Variants in NT5C2 observed in about 807,000 individuals in gnomAD.
NT5C2 encodes the protein cytosolic purine 5'-nucleotidase.
NT5C2 carries 58 observed loss-of-function variants against 76.1 expected under a neutral mutation model. The ratio of observed to expected loss-of-function variants is 0.76; its 90% CI spans 0.62 to 0.95. The LOEUF (loss-of-function observed/expected upper bound fraction) is 0.95. Ranked by LOEUF, NT5C2 falls within the 40% of genes least tolerant of loss-of-function variation. NT5C2 has a pLI of 0.00. For missense variants in NT5C2, 478 were observed against 690.3 expected (o/e 0.69, Z 3.45); for synonymous variants, 229 against 237.4 (o/e 0.96, Z 0.32).
At chr10:103,098,077 GCTA>G (rs2068640586) in intron 10 of NT5C2, 1 of 529,314 alleles carries the variant, frequency 1.9e-6, no homozygotes, top group Non-Finnish European at 3.9e-6. Context: ...ACTGTATTCT[GCTA>G]CTTTTACTCT....
chr10:103,121,528 T>C (rs892634808), intron 4 of NT5C2, among the ~76,000 whole-genome samples: 3 of 152,160 alleles, frequency 2.0e-5, no homozygotes, highest in Non-Finnish European at 2.9e-5. Context: ...GTGAGTTGAG[T>C]CCATTCCAAT....
chr10:103,124,400 T>A (rs1232931021), intron 4 of NT5C2, among the ~76,000 whole-genome samples: 2 of 152,168 alleles, frequency 1.3e-5, no homozygotes, highest in East Asian at 3.8e-4. Flanking sequence ...GAAAAGAGCA[T>A]TAAATATTCC....
At chr10:103,117,105 T>C (rs2074531266) in intron 4 of NT5C2, among the ~76,000 whole-genome samples, 1 of 152,146 alleles carries the variant, frequency 6.6e-6, no homozygotes, top group Non-Finnish European at 1.5e-5. Context: ...TAGCTTAGTT[T>C]AAATAAAGCT....
intron 4 of NT5C2, among the ~76,000 whole-genome samples, chr10:103,108,655 CTG>C (rs995610216): frequency 6.6e-6 from 1 of 152,062 alleles, no homozygotes; most frequent in African/African-American, 2.4e-5. Flanking sequence ...TAAAATTAAA[CTG>C]AAGTTTTTAA....
chr10:103,129,928 T>TGG (rs570466131), intron 4 of NT5C2, among the ~76,000 whole-genome samples: 2 of 55,606 alleles, frequency 3.6e-5, no homozygotes, highest in East Asian at 1.1e-3. Flanking sequence ...GGGAGGGAGG[T>TGG]GGGGGGGGTC....
chr10:103,123,267 C>A lies in NT5C2; in HGVS notation c.175+16139G>T, dbSNP rs557194627. Among the ~76,000 whole-genome samples the A allele has an allele frequency of 4.6e-5, 7 of 152,230 alleles. No homozygotes were observed. In the East Asian group the frequency reaches 1.4e-3, roughly 29 times the overall value. Reference sequence around the variant, plus strand: ...CTTCCCAAGTAGCTGGGACTACAGGCATGCACTACCACACACTGCTAATAT... The same window carrying A: ...CTTCCCAAGTAGCTGGGACTACAGGAATGCACTACCACACACTGCTAATAT... On this transcript the variant is annotated intron_variant, in intron 4 of 18. Coordinates refer to ENST00000404739, the MANE Select transcript of NT5C2 (RefSeq NM_001351169.2).
intron 4 of NT5C2, among the ~76,000 whole-genome samples, chr10:103,107,371 T>G (rs1305226657): frequency 6.6e-6 from 1 of 152,062 alleles, no homozygotes; most frequent in African/African-American, 2.4e-5. Context: ...AAATATGAAA[T>G]GGAGTTAGAT....
intron 15 of NT5C2, 36 bp downstream of exon 15, chr10:103,093,103 G>C: frequency 6.8e-7 from 1 of 1,480,452 alleles, no homozygotes; most frequent in Non-Finnish European, 9.0e-7. Context: ...TGGTCATTTA[G>C]ATATAAATTA....
chr10:103,189,427 G>A lies in NT5C2; in HGVS notation c.-169+3809C>T, dbSNP rs2092424375. Reference sequence around the variant, plus strand: ...TTGAGACCATCCTGGCCAACATGGTGAAACCCCATCTCTACTAAAAATACA... The same window carrying A: ...TTGAGACCATCCTGGCCAACATGGTAAAACCCCATCTCTACTAAAAATACA... On this transcript the variant is annotated intron_variant, in intron 1 of 18. Coordinates refer to ENST00000404739, the MANE Select transcript of NT5C2 (RefSeq NM_001351169.2). 2.6e-5 allele frequency among the ~76,000 whole-genome samples: 4 copies of A among 151,842 alleles called. No individual in the cohort carries two copies. The South Asian group carries it at 8.3e-4, about 32-fold the overall frequency.
intron 4 of NT5C2, chr10:103,125,263 T>A (rs2135824064): frequency 1.4e-6 from 1 of 721,116 alleles, no homozygotes. Context: ...TGATTTCAAA[T>A]TCGCCAATGG....
intron 4 of NT5C2, among the ~76,000 whole-genome samples, chr10:103,121,760 G>A (rs771656606): frequency 1.3e-5 from 2 of 152,176 alleles, no homozygotes; most frequent in Non-Finnish European, 2.9e-5. Flanking sequence ...TAACTCCCCA[G>A]AGGCTAATGA....
intron 3 of NT5C2, among the ~76,000 whole-genome samples, chr10:103,158,350 T>C (rs1016184042): frequency 4.0e-5 from 6 of 151,660 alleles, no homozygotes; most frequent in African/African-American, 7.3e-5. Context: ...TCAACCCAAA[T>C]CAAACAGAAG....
At chr10:103,132,782 C>T (rs2078456709) in intron 4 of NT5C2, among the ~76,000 whole-genome samples, 1 of 152,076 alleles carries the variant, frequency 6.6e-6, no homozygotes. Context: ...GATCTCCTGA[C>T]CTTGTGATCT....
chr10:103,093,360 C>G (rs145269700), intron 14 of NT5C2, 51 bp from the exon 15 acceptor site: 4 of 1,437,284 alleles, frequency 2.8e-6, no homozygotes, highest in Non-Finnish European at 3.7e-6. Flanking sequence ...TTAAAATCAG[C>G]ATTCCAATAG....
At chr10:103,124,890 GTAAT>G (rs888533625) in intron 4 of NT5C2, 57 of 148,102 alleles carry the variant, frequency 3.8e-4, no homozygotes, top group African/African-American at 1.4e-3. Context: ...TAAATTTAAT[GTAAT>G]TATATTTAAT....
chr10:103,155,060 G>A (rs2083082686), intron 3 of NT5C2, among the ~76,000 whole-genome samples: 2 of 152,320 alleles, frequency 1.3e-5, no homozygotes, highest in South Asian at 4.1e-4. Flanking sequence ...ATTGTCTAAA[G>A]ATGATTAGCT....
intron 11 of NT5C2, among the ~76,000 whole-genome samples, chr10:103,096,647 C>T (rs2068259285): frequency 6.6e-6 from 1 of 151,840 alleles, no homozygotes; most frequent in Admixed American, 6.6e-5. Flanking sequence ...AGTTCAAGAC[C>T]AGCCTGTCCA....
intron 3 of NT5C2, chr10:103,169,367 A>G (rs6584541): frequency 0.31 from 47,172 of 152,122 alleles, 7,438 homozygotes; most frequent in Middle Eastern, 0.36. Flanking sequence ...TTGTAATCCC[A>G]GCACTTTGGA....
intron 1 of NT5C2, among the ~76,000 whole-genome samples, chr10:103,191,428 A>C (rs952516970): frequency 2.6e-5 from 4 of 152,050 alleles, no homozygotes; most frequent in African/African-American, 4.8e-5. Flanking sequence ...TAAAAAAAAA[A>C]ACCTGTGTTT....
Sources: gnomAD v4.1 joint callset for allele counts (sites outside exome capture counted in the v4.1 genomes callset) on GRCh38, gnomAD v4.1.1 for gene constraint, MANE v1.5 for transcripts, NCBI Gene and HGNC (gene_info 2026-07-23, HGNC 2026-07-21) for gene names.